KIF16B: variants seen among roughly 807,000 people sequenced by gnomAD.
The protein encoded by KIF16B is kinesin family member 16B.
KIF16B carries 98 observed loss-of-function variants against 156.3 expected under a neutral mutation model. The observed-to-expected ratio is 0.63, with a 90% CI of 0.53 to 0.74. The LOEUF (loss-of-function observed/expected upper bound fraction) is 0.74, where lower values mean the gene tolerates loss of function less well. Among genes scored for constraint, KIF16B ranks in the 30% least tolerant of loss-of-function variants. KIF16B has a pLI of 0.00. For missense variants in KIF16B, 1,421 were observed against 1,606.5 expected, an observed-to-expected ratio of 0.88 and a Z score of 1.97; for synonymous variants, 564 against 583.7, an observed-to-expected ratio of 0.97 and a Z score of 0.49.
intron 7 of KIF16B, 52 bp downstream of exon 7, chr20:16,507,906 A>G: frequency 6.2e-7 from 1 of 1,601,482 alleles, no homozygotes; most frequent in Non-Finnish European, 8.5e-7. Flanking sequence ...GGTGCTAATC[A>G]GCAAGTAAAG....
chr20:16,312,071 C>G (rs1454979618), intron 25 of KIF16B, among the ~76,000 whole-genome samples: 1 of 152,182 alleles, frequency 6.6e-6, no homozygotes, highest in Non-Finnish European at 1.5e-5. Context: ...AGTTCTCACT[C>G]ACATCCTGCT....
At chr20:16,337,467 C>G (rs528539784) in intron 23 of KIF16B, among the ~76,000 whole-genome samples, 1 of 152,264 alleles carries the variant, frequency 6.6e-6, no homozygotes, top group South Asian at 2.1e-4. Context: ...TGGTTCTGTA[C>G]TCATTTTTTA....
At chr20:16,318,857 G>A (rs2122769268) in intron 24 of KIF16B, among the ~76,000 whole-genome samples, 1 of 152,278 alleles carries the variant, frequency 6.6e-6, no homozygotes, top group Non-Finnish European at 1.5e-5. Context: ...CTCCTGAAAT[G>A]TGTGCTATGC....
chr20:16,520,371 G>C (rs997015093), intron 3 of KIF16B, among the ~76,000 whole-genome samples: 2 of 152,108 alleles, frequency 1.3e-5, no homozygotes, highest in Non-Finnish European at 2.9e-5. Context: ...ACTGAGACTC[G>C]AGTGGGTGGT....
At chr20:16,560,965 T>G (rs62196306) in intron 1 of KIF16B, among the ~76,000 whole-genome samples, 3,844 of 152,162 alleles carry the variant, frequency 0.025, 59 homozygotes, top group Middle Eastern at 0.071. Flanking sequence ...AAAATCATTT[T>G]AGTGAGTAAC....
At chr20:16,552,640 A>C (rs2070709636) in intron 1 of KIF16B, among the ~76,000 whole-genome samples, 1 of 152,148 alleles carries the variant, frequency 6.6e-6, no homozygotes, top group South Asian at 2.1e-4. Context: ...GTATCCTGAC[A>C]CGCAGCCCAG....
chr20:16,511,926 C>T (rs1442890102), intron 5 of KIF16B, among the ~76,000 whole-genome samples: 1 of 152,156 alleles, frequency 6.6e-6, no homozygotes, highest in Non-Finnish European at 1.5e-5. Flanking sequence ...GCAGATGGAT[C>T]ACTTGAGGTC....
chr20:16,422,324 G>A (rs921619897), intron 15 of KIF16B, among the ~76,000 whole-genome samples: 16 of 152,058 alleles, frequency 1.1e-4, no homozygotes, highest in African/African-American at 3.9e-4. Context: ...TGTCTTTTTG[G>A]TGTTTGGAAT....
chr20:16,573,171 CA>C, intron 1 of KIF16B, 57 bp downstream of exon 1: 1 of 1,486,456 alleles, frequency 6.7e-7, no homozygotes, highest in East Asian at 2.4e-5. Flanking sequence ...GAGCTGGAAA[CA>C]GGCTTCCTCT....
intron 1 of KIF16B, among the ~76,000 whole-genome samples, chr20:16,565,847 T>A (rs1018081886): frequency 6.6e-6 from 1 of 152,162 alleles, no homozygotes; most frequent in Admixed American, 6.5e-5. Context: ...TTCCACTTAA[T>A]AAGGCCCCAA....
At chr20:16,301,533 G>A (rs1014815092) in intron 25 of KIF16B, among the ~76,000 whole-genome samples, 8 of 152,134 alleles carry the variant, frequency 5.3e-5, no homozygotes, top group East Asian at 1.9e-4. Context: ...TCTATCAGGC[G>A]TATGGTGGTA....
At chr20:16,547,412 C>T (rs1433462245) in intron 1 of KIF16B, among the ~76,000 whole-genome samples, 1 of 152,208 alleles carries the variant, frequency 6.6e-6, no homozygotes, top group Non-Finnish European at 1.5e-5. Context: ...GGTGCCCACA[C>T]CAAGGAGAGA....
intron 12 of KIF16B, among the ~76,000 whole-genome samples, chr20:16,440,686 C>G (rs1034520380): frequency 6.6e-6 from 1 of 151,978 alleles, no homozygotes; most frequent in Non-Finnish European, 1.5e-5. Flanking sequence ...ACCAACAAAC[C>G]TAAATGTCCT....
At chr20:16,550,040 T>A (rs1310123597) in intron 1 of KIF16B, among the ~76,000 whole-genome samples, 1 of 106,966 alleles carries the variant, frequency 9.3e-6, no homozygotes, top group Admixed American at 1.1e-4. Flanking sequence ...CAAAAGAAAC[T>A]ACCATCAGAG....
chr20:16,367,701 T>C, intron 22 of KIF16B: 1 of 1,612,564 alleles, frequency 6.2e-7, no homozygotes, highest in East Asian at 2.2e-5. Flanking sequence ...TTGGCAAAAC[T>C]AAATCAGGGA....
At chr20:16,365,466 T>C (rs2064643590) in intron 22 of KIF16B, among the ~76,000 whole-genome samples, 2 of 152,098 alleles carry the variant, frequency 1.3e-5, no homozygotes, top group Admixed American at 6.5e-5. Context: ...AACATGAGAA[T>C]CCAATTGCCT....
rs553605295 is a variant in KIF16B at position 16,527,115 on chromosome 20, C to T, written c.118-910G>A. 2.0e-5 allele frequency among the ~76,000 whole-genome samples: 3 copies of T among 152,220 alleles called. No individual in the cohort carries two copies. The East Asian group carries it at 5.8e-4, about 29-fold the overall frequency. ...GAAGGAAAGACAAGGTAATTACCAG[C>T]AGGGAATGGACAAGTGACAACTGGG... On this transcript the variant is annotated intron_variant, in intron 2 of 25. Transcript: ENST00000354981.
intron 19 of KIF16B, among the ~76,000 whole-genome samples, chr20:16,376,045 G>A (rs2064942988): frequency 6.6e-6 from 1 of 152,192 alleles, no homozygotes; most frequent in South Asian, 2.1e-4. Context: ...GCTTCCTCAT[G>A]TGTAAACTGT....
intron 12 of KIF16B, among the ~76,000 whole-genome samples, chr20:16,463,475 A>T (rs1409401199): frequency 6.6e-6 from 1 of 152,204 alleles, no homozygotes; most frequent in South Asian, 2.1e-4. Context: ...GTGAAGTCCG[A>T]TGTTTTTTAA....
Sources: allele counts gnomAD v4.1 joint callset (sites outside exome capture counted in the v4.1 genomes callset), GRCh38; gene constraint gnomAD v4.1.1; transcripts MANE v1.5; gene names NCBI Gene and HGNC (gene_info 2026-07-23, HGNC 2026-07-21).